NMT2: variants seen among roughly 807,000 people sequenced by gnomAD.
NMT2 encodes the protein glycylpeptide N-tetradecanoyltransferase 2.
In NMT2, 35 loss-of-function variants were observed where a neutral mutation model predicts 65.4. The observed-to-expected ratio is 0.54, with a 90% CI of 0.41 to 0.71. NMT2 has a LOEUF of 0.71. NMT2 is among the 30% of genes least tolerant of loss of function. The pLI is 0.00. For synonymous variants in NMT2, 226 were observed against 231.8 expected (o/e 0.98, Z 0.23); for missense variants, 489 against 611.3 (o/e 0.80, Z 2.11).
intron 6 of NMT2, among the ~76,000 whole-genome samples, chr10:15,132,276 G>A (rs576457709): frequency 3.3e-5 from 5 of 150,644 alleles, no homozygotes; most frequent in East Asian, 1.9e-4. Flanking sequence ...TTCACAGTCC[G>A]TTTTTTTTTC....
Position 15,141,576 on chromosome 10 carries a change from T to C in NMT2, c.111-19A>G, listed in dbSNP as rs1271061580. 1.3e-6 allele frequency: 2 copies of C among 1,590,714 alleles called. No homozygotes were observed. The highest frequency in any genetic ancestry group is 2.2e-5 in the East Asian group (1 of 44,634). On this transcript the variant is annotated intron_variant, in intron 1 of 11. Coordinates refer to ENST00000378165, the MANE Select transcript of NMT2 (RefSeq NM_004808.3). ...AGGACTTCTGCAGGAAATGCAAAGA[T>C]GGTGAAACCAACCAACAAACAAAAA...
At chr10:15,131,370 C>T (rs143501400) in intron 6 of NMT2, among the ~76,000 whole-genome samples, 2 of 150,246 alleles carry the variant, frequency 1.3e-5, no homozygotes, top group African/African-American at 2.4e-5. Context: ...AGGCTGGTCT[C>T]GACCTCCTGG....
At chr10:15,149,535 TCAC>T (rs1445175041) in intron 1 of NMT2, among the ~76,000 whole-genome samples, 4 of 108,806 alleles carry the variant, frequency 3.7e-5, no homozygotes, top group Admixed American at 9.1e-5. Flanking sequence ...ATCACCATCA[TCAC>T]CACCATCACC....
chr10:15,153,340 G>A (rs1832870126), intron 1 of NMT2, among the ~76,000 whole-genome samples: 2 of 152,274 alleles, frequency 1.3e-5, no homozygotes, highest in African/African-American at 4.8e-5. Flanking sequence ...TATGCTGTTA[G>A]TGAAAAATCA....
chr10:15,165,302 A>G (rs184626483), intron 1 of NMT2, among the ~76,000 whole-genome samples: 2 of 152,318 alleles, frequency 1.3e-5, no homozygotes, highest in East Asian at 3.9e-4. Flanking sequence ...TTATCTATGT[A>G]GAAAGTCTTT....
chr10:15,133,366 G>T lies in NMT2; in HGVS notation c.392-3C>A. On this transcript the variant is annotated splice_polypyrimidine_tract_variant and splice_region_variant and intron_variant, in intron 3 of 11. Transcript: ENST00000378165. ...ACCATGAGATGTTATGACTTCATCTGAACAGGGAGAGAAAGAGAAAAAAGA... is the reference window on the plus strand; with the variant it reads ...ACCATGAGATGTTATGACTTCATCTTAACAGGGAGAGAAAGAGAAAAAAGA... The T allele has an allele frequency of 6.3e-7, 1 of 1,586,302 alleles. No individual in the cohort carries two copies. Among genetic ancestry groups the T allele is most frequent in the Non-Finnish European group, 8.7e-7 (1 of 1,154,726 alleles).
intron 1 of NMT2, among the ~76,000 whole-genome samples, chr10:15,155,964 G>T (rs1832985170): frequency 6.6e-6 from 1 of 152,058 alleles, no homozygotes; most frequent in South Asian, 2.1e-4. Flanking sequence ...GGACAGGGTG[G>T]GATGGCCCCA....
At chr10:15,127,424 A>G (rs1337936393) in intron 8 of NMT2, among the ~76,000 whole-genome samples, 6 of 145,618 alleles carry the variant, frequency 4.1e-5, no homozygotes, top group Non-Finnish European at 9.0e-5. Context: ...GCGGGCGCCT[A>G]TAGTCCCAGC....
At chr10:15,120,062 G>A (rs73604518) in intron 8 of NMT2, among the ~76,000 whole-genome samples, 7,989 of 152,190 alleles carry the variant, frequency 0.052, 457 homozygotes, top group African/African-American at 0.14. Context: ...GATCATGTAC[G>A]GACTTTTTTT....
intron 2 of NMT2, among the ~76,000 whole-genome samples, chr10:15,137,548 C>G (rs1846556740): frequency 6.6e-6 from 1 of 152,022 alleles, no homozygotes; most frequent in African/African-American, 2.4e-5. Context: ...TCCAACAACA[C>G]CATCTATTAG....
chr10:15,148,993 T>G (rs530944186), intron 1 of NMT2, among the ~76,000 whole-genome samples: 41 of 152,286 alleles, frequency 2.7e-4, no homozygotes, highest in African/African-American at 9.9e-4. Flanking sequence ...CACATGCTGT[T>G]GGTAAAATGT....
In NMT2 at chr10:15,106,147, C is replaced by T; in HGVS notation, c.*3048G>A. 1 of 255,510 alleles carries T rather than the reference C, an allele frequency of 3.9e-6. No individual in the cohort carries two copies. The highest frequency in any genetic ancestry group is 1.4e-3 in the Middle Eastern group (1 of 692). The allele number at this position is 255,510 out of a possible 1,614,324, so 15.8% of individuals were successfully genotyped here. ...TAGCTGGGATTACAGGTGCACACCC[C>T]CATGTCCGGCTAGTTTTTGTAATTT... On this transcript the variant is annotated 3_prime_UTR_variant, in exon 12 of 12. Coordinates refer to ENST00000378165, the MANE Select transcript of NMT2 (RefSeq NM_004808.3).
At chr10:15,124,875 G>C (rs1330893758) in intron 8 of NMT2, among the ~76,000 whole-genome samples, 1 of 152,162 alleles carries the variant, frequency 6.6e-6, no homozygotes, top group African/African-American at 2.4e-5. Flanking sequence ...GACTTAAAAG[G>C]GGGAAAGGAG....
intron 8 of NMT2, among the ~76,000 whole-genome samples, chr10:15,125,941 A>C (rs1281167453): frequency 6.6e-6 from 1 of 151,674 alleles, no homozygotes; most frequent in Non-Finnish European, 1.5e-5. Context: ...CTGGGATTAC[A>C]GGTGTGAGCC....
chr10:15,168,134 G>C (rs1413785442), intron 1 of NMT2, among the ~76,000 whole-genome samples: 1 of 152,288 alleles, frequency 6.6e-6, no homozygotes, highest in East Asian at 1.9e-4. Flanking sequence ...CCGCCACAAA[G>C]GGAAGGGCGT....
rs1169255963 is a variant in NMT2 at position 15,113,463 on chromosome 10, C to CAAAAAA, written c.1171-506_1171-501dup. On this transcript the variant is annotated intron_variant, in intron 9 of 11. Coordinates refer to ENST00000378165, the MANE Select transcript of NMT2 (RefSeq NM_004808.3). ...CCAGCCTGGGCGACAGGATGAGACTCAAAAAAAAAAAAAAAAAAAAAAAAA... is the reference window on the plus strand; with the variant it reads ...CCAGCCTGGGCGACAGGATGAGACTCAAAAAAAAAAAAAAAAAAAAAAAAAAAAAAA... Among the ~76,000 whole-genome samples, 225 of 36,866 alleles carry CAAAAAA rather than the reference C, an allele frequency of 6.1e-3. 2 individuals carry two copies. Among genetic ancestry groups the CAAAAAA allele is most frequent in the African/African-American group, 0.013 (136 of 10,772 alleles). The allele number at this position is 36,866 out of a possible 152,430, so 24.2% of individuals were successfully genotyped here.
intron 1 of NMT2, among the ~76,000 whole-genome samples, chr10:15,166,896 A>G (rs1044282606): frequency 1.3e-5 from 2 of 152,198 alleles, no homozygotes; most frequent in Admixed American, 1.3e-4. Flanking sequence ...TCAACAGTGT[A>G]AGCAAAGAAG....
chr10:15,116,312 C>T (rs981323897), intron 9 of NMT2, among the ~76,000 whole-genome samples: 4 of 152,094 alleles, frequency 2.6e-5, no homozygotes, highest in Non-Finnish European at 5.9e-5. Context: ...AATTGAACAG[C>T]ACAATTCTAA....
chr10:15,167,247 A>G (rs1039896245), intron 1 of NMT2, among the ~76,000 whole-genome samples: 4 of 152,368 alleles, frequency 2.6e-5, no homozygotes, highest in African/African-American at 7.2e-5. Flanking sequence ...ATTCACGGCA[A>G]AGATAAAAAC....
Sources: gnomAD v4.1 joint callset for allele counts (sites outside exome capture counted in the v4.1 genomes callset) on GRCh38, gnomAD v4.1.1 for gene constraint, MANE v1.5 for transcripts, NCBI Gene and HGNC (gene_info 2026-07-23, HGNC 2026-07-21) for gene names.